Variants in ZC3H12C observed in about 807,000 individuals in gnomAD.
ZC3H12C encodes zinc finger CCCH-type containing 12C.
In ZC3H12C, 20 loss-of-function variants were observed where a neutral mutation model predicts 76.3. The ratio of observed to expected loss-of-function variants is 0.26; its 90% CI spans 0.18 to 0.38. The LOEUF (loss-of-function observed/expected upper bound fraction) is 0.38. Among genes scored for constraint, ZC3H12C ranks in the 10% least tolerant of loss-of-function variants. The probability of loss-of-function intolerance (pLI) is 1.00; values close to 1 mark genes in which losing one functional copy is unlikely to be tolerated. For synonymous variants in ZC3H12C, 352 were observed against 399.6 expected, an observed-to-expected ratio of 0.88 and a Z score of 1.42; for missense variants, 874 against 1,086.5, an observed-to-expected ratio of 0.80 and a Z score of 2.75.
At position 110,171,660 on chromosome 11, in the gene ZC3H12C, C is replaced by T. The variant is rs1172452285; in HGVS notation, c.*5923C>T. On this transcript the variant is annotated 3_prime_UTR_variant, in exon 6 of 6. Coordinates refer to ENST00000278590, the MANE Select transcript of ZC3H12C (RefSeq NM_033390.2). The stretch of plus-strand genomic sequence containing the variant: ...TTTTCTTTAATGAAGAAATTGATCT[C>T]ATATGGCATCATAGATGCTAAATAA... 7 of 152,122 alleles carry T rather than the reference C, an allele frequency of 4.6e-5. No individual in the cohort carries two copies. Among genetic ancestry groups the T allele is most frequent in the Admixed American group, 6.5e-5 (1 of 15,272 alleles). The allele number at this position is 152,122 out of a possible 1,614,324, so 9.4% of individuals were successfully genotyped here. A position where few individuals can be genotyped will look rare whatever the true frequency, so the allele number is the denominator to read the frequency against.
At chr11:110,143,291 G>A (rs1352479633) in intron 2 of ZC3H12C, among the ~76,000 whole-genome samples, 1 of 151,996 alleles carries the variant, frequency 6.6e-6, no homozygotes, top group Non-Finnish European at 1.5e-5. Flanking sequence ...TAAGGACTAC[G>A]GAATAGATGT....
Position 110,163,378 on chromosome 11 carries a change from T to C in ZC3H12C, c.1254T>C (p.Tyr418=). The C allele has an allele frequency of 6.2e-7, 1 of 1,609,700 alleles. No individual in the cohort carries two copies. The change falls in exon 5 of 6, where the codon TAT becomes TAC. Residue 418 remains tyrosine, a splice_region_variant and synonymous_variant. Coordinates refer to ENST00000278590, the MANE Select transcript of ZC3H12C (RefSeq NM_033390.2). ...AACACAAAAAGCAGCCTTGTCCATA[T>C]GGTAACTTGCTTTGTGAATATTGGG... ...VPEHKKQPCP[Y]GKKCTYGHKC...
intron 1 of ZC3H12C, among the ~76,000 whole-genome samples, chr11:110,099,506 G>A (rs938262440): frequency 1.3e-5 from 2 of 151,938 alleles, no homozygotes; most frequent in Admixed American, 6.6e-5. Flanking sequence ...GCAAAGTACC[G>A]AGAAAATGAA....
At chr11:110,101,842 A>C (rs901535271) in intron 1 of ZC3H12C, among the ~76,000 whole-genome samples, 2 of 151,856 alleles carry the variant, frequency 1.3e-5, no homozygotes, top group African/African-American at 4.8e-5. Flanking sequence ...GAGCCACCTC[A>C]CCCAGCCCAA....
chr11:110,102,062 G>A lies in ZC3H12C; in HGVS notation c.21+8630G>A, dbSNP rs374719871. Among the ~76,000 whole-genome samples, 23 of 151,186 alleles carry A rather than the reference G, an allele frequency of 1.5e-4. No individual in the cohort carries two copies. The East Asian group carries it at 2.9e-3, about 19-fold the overall frequency. Reference sequence around the variant, plus strand: ...GAACTCTGATGGAGATTTACAAGGAGATTAATGTTGTTTTCATGCCTACTA... The same window carrying A: ...GAACTCTGATGGAGATTTACAAGGAAATTAATGTTGTTTTCATGCCTACTA... On this transcript the variant is annotated intron_variant, in intron 1 of 5. Transcript: ENST00000278590.
rs1034484913 is a variant in ZC3H12C at position 110,171,741 on chromosome 11, A to T, written c.*6004A>T. 1 of 152,254 alleles carries T rather than the reference A, an allele frequency of 6.6e-6. No homozygotes were observed. Among genetic ancestry groups the T allele is most frequent in the South Asian group, 2.1e-4 (1 of 4,836 alleles). The allele number at this position is 152,254 out of a possible 1,614,324, so 9.4% of individuals were successfully genotyped here. A position where few individuals can be genotyped will look rare whatever the true frequency, so the allele number is the denominator to read the frequency against. Reference sequence around the variant, plus strand: ...GCATTCAGTGGCTAACATTATGAGCATTGTGTAAGATAAACACATGGTCAG... The same window carrying T: ...GCATTCAGTGGCTAACATTATGAGCTTTGTGTAAGATAAACACATGGTCAG... On this transcript the variant is annotated 3_prime_UTR_variant, in exon 6 of 6. Coordinates refer to ENST00000278590, the MANE Select transcript of ZC3H12C (RefSeq NM_033390.2).
intron 1 of ZC3H12C, among the ~76,000 whole-genome samples, chr11:110,100,747 CTG>C (rs1245583726): frequency 2.0e-5 from 3 of 152,170 alleles, no homozygotes; most frequent in Non-Finnish European, 2.9e-5. Flanking sequence ...AGCCGTTGCC[CTG>C]TTTTTCTTCC....
At chr11:110,115,806 G>A (rs1314924843) in intron 1 of ZC3H12C, among the ~76,000 whole-genome samples, 1 of 146,702 alleles carries the variant, frequency 6.8e-6, no homozygotes, top group Non-Finnish European at 1.5e-5. Context: ...TGTCTCCGAG[G>A]CTGGGGTGCA....
chr11:110,107,582 A>G (rs923814687), intron 1 of ZC3H12C, among the ~76,000 whole-genome samples: 2 of 151,806 alleles, frequency 1.3e-5, no homozygotes, highest in African/African-American at 2.4e-5. Context: ...CTGGAGTGCA[A>G]TGGTGCAATC....
intron 3 of ZC3H12C, among the ~76,000 whole-genome samples, chr11:110,156,031 G>GT (rs1862371619): frequency 6.6e-6 from 1 of 152,128 alleles, no homozygotes; most frequent in African/African-American, 2.4e-5. Context: ...TCTAAGTTTA[G>GT]TTTTAAAAAT....
chr11:110,156,951 C>T lies in ZC3H12C; in HGVS notation c.914-2305C>T, dbSNP rs550492719. Among the ~76,000 whole-genome samples, 4 of 152,220 alleles carry T rather than the reference C, an allele frequency of 2.6e-5. No homozygotes were observed. In the South Asian group the frequency reaches 6.2e-4, roughly 24 times the overall value. ...ATCCCAGCACTTTGGGAGGCCCAGG[C>T]GGGCGGATCACGAGGTCAGGAGTTC... On this transcript the variant is annotated intron_variant, in intron 3 of 5. Coordinates refer to ENST00000278590, the MANE Select transcript of ZC3H12C (RefSeq NM_033390.2).
chr11:110,114,441 A>T (rs1189467920), intron 1 of ZC3H12C, among the ~76,000 whole-genome samples: 1 of 152,136 alleles, frequency 6.6e-6, no homozygotes, highest in Non-Finnish European at 1.5e-5. Context: ...TCCTTAATAC[A>T]TTTTATAGTT....
chr11:110,128,079 A>T (rs588313), intron 1 of ZC3H12C, among the ~76,000 whole-genome samples: 107,446 of 151,588 alleles, frequency 0.71, 38,390 homozygotes, highest in East Asian at 0.9. Flanking sequence ...AGACCCACCC[A>T]TGGCAAAGAC....
Position 110,167,535 on chromosome 11 carries a change from G to A in ZC3H12C, c.*1798G>A, listed in dbSNP as rs76316149. On this transcript the variant is annotated 3_prime_UTR_variant, in exon 6 of 6. Transcript: ENST00000278590. The stretch of plus-strand genomic sequence containing the variant: ...TTCTTTCTCCTAAAACTTACCTAGT[G>A]TGAACTTAAAATAAAGGTAAAATGC... 2.0e-5 allele frequency: 3 copies of A among 152,126 alleles called. No homozygotes were observed. Among genetic ancestry groups the A allele is most frequent in the Admixed American group, 6.5e-5 (1 of 15,268 alleles). The allele number at this position is 152,126 out of a possible 1,614,324, so 9.4% of individuals were successfully genotyped here. A position where few individuals can be genotyped will look rare whatever the true frequency, so the allele number is the denominator to read the frequency against.
chr11:110,117,704 TTATATATATACACACACACATA>T (rs1267760272), intron 1 of ZC3H12C, among the ~76,000 whole-genome samples: 2 of 132,366 alleles, frequency 1.5e-5, no homozygotes, highest in African/African-American at 2.9e-5. Flanking sequence ...CACATATATA[TTATATATATACACACACACATA>T]TATATATACA....
chr11:110,115,372 G>A (rs1046485276), intron 1 of ZC3H12C, among the ~76,000 whole-genome samples: 2 of 152,022 alleles, frequency 1.3e-5, no homozygotes, highest in African/African-American at 4.8e-5. Flanking sequence ...GCGTGATCTT[G>A]GCTCACTGCA....
chr11:110,125,270 A>AGTGTGTGTGTGTGT (rs59512764), intron 1 of ZC3H12C, among the ~76,000 whole-genome samples: 1 of 138,684 alleles, frequency 7.2e-6, no homozygotes, highest in Non-Finnish European at 1.5e-5. Flanking sequence ...ATCTCTCACT[A>AGTGTGTGTGTGTGT]GTGTGTGTGT....
chr11:110,103,260 A>G (rs538813940), intron 1 of ZC3H12C, among the ~76,000 whole-genome samples: 2 of 152,310 alleles, frequency 1.3e-5, no homozygotes, highest in African/African-American at 4.8e-5. Flanking sequence ...AATTAACCTT[A>G]TTTACTTCTC....
chr11:110,126,220 T>TC (rs1565255701), intron 1 of ZC3H12C, among the ~76,000 whole-genome samples: 41 of 113,272 alleles, frequency 3.6e-4, no homozygotes, highest in African/African-American at 1.3e-3. Flanking sequence ...TTTCTTCTTT[T>TC]TTTTTTTTTT....
Sources: allele counts gnomAD v4.1 joint callset (sites outside exome capture counted in the v4.1 genomes callset), GRCh38; gene constraint gnomAD v4.1.1; transcripts MANE v1.5; gene names NCBI Gene and HGNC (gene_info 2026-07-23, HGNC 2026-07-21).